PGK1: variants seen among roughly 807,000 people sequenced by gnomAD.
PGK1 encodes PRP 2.
Under a neutral mutation model 26.9 loss-of-function variants are expected in PGK1, and 3 were observed. That is an observed-to-expected ratio of 0.11 (90% CI 0.05 to 0.29). The LOEUF (loss-of-function observed/expected upper bound fraction) is 0.29. PGK1 is among the 10% of genes least tolerant of loss of function. The probability of loss-of-function intolerance (pLI) is 1.00; values close to 1 mark genes in which losing one functional copy is unlikely to be tolerated. For missense variants in PGK1, 270 were observed against 314.7 expected (o/e 0.86, Z 1.07); for synonymous variants, 125 against 115.3 (o/e 1.08, Z -0.54).
In PGK1 at chrX:78,106,544, T is replaced by A. The variant is rs2065155064; in HGVS notation, c.65+2139T>A. 3 of 754,238 alleles carry A rather than the reference T, an allele frequency of 4.0e-6. No homozygotes were observed. In the African/African-American group the frequency reaches 6.8e-5, roughly 17 times the overall value. 62.2% of individuals were successfully genotyped at this position (754,238 alleles called of 1,213,427 possible). A position where few individuals can be genotyped will look rare whatever the true frequency, so the allele number is the denominator to read the frequency against. On this transcript the variant is annotated intron_variant, in intron 1 of 10. Coordinates refer to ENST00000373316, the MANE Select transcript of PGK1 (RefSeq NM_000291.4). ...CAACGTGGTGGTTGCTGGCGGTGTT[T>A]CCGGAATGGGGCTTCCTGAGTAGTG... is the stretch of plus-strand genomic sequence containing the variant.
rs1365495650 is a variant in PGK1 at position 78,126,690 on chromosome X, G to C, written c.*860G>C. On this transcript the variant is annotated 3_prime_UTR_variant, in exon 11 of 11. Coordinates refer to ENST00000373316, the MANE Select transcript of PGK1 (RefSeq NM_000291.4). ...AAGAAATCTATTTCATACCATGGAG[G>C]AAGGCTCTGTTCCACATATATTTCC... 5 of 109,754 alleles carry C rather than the reference G, an allele frequency of 4.6e-5. No individual in the cohort carries two copies. The highest frequency in any genetic ancestry group is 7.6e-5 in the Non-Finnish European group (4 of 52,609). The allele number at this position is 109,754 out of a possible 1,213,427, so 9.0% of individuals were successfully genotyped here. A position where few individuals can be genotyped will look rare whatever the true frequency, so the allele number is the denominator to read the frequency against.
At chrX:78,122,345 G>A (rs2078359149) in intron 6 of PGK1, among the ~76,000 whole-genome samples, 1 of 110,275 alleles carries the variant, frequency 9.1e-6, no homozygotes, top group African/African-American at 3.3e-5. Flanking sequence ...AATTCTGAGT[G>A]GCTCTGGGAT....
chrX:78,121,308 G>A (rs2078353810), intron 6 of PGK1, among the ~76,000 whole-genome samples: 1 of 111,833 alleles, frequency 8.9e-6, no homozygotes, highest in Admixed American at 9.5e-5. Flanking sequence ...CTTTCATTCT[G>A]TTGATTTGTT....
chrX:78,115,480 AC>A (rs782238962), intron 4 of PGK1, among the ~76,000 whole-genome samples: 364 of 110,795 alleles, frequency 3.3e-3, no homozygotes, highest in Middle Eastern at 9.3e-3. Flanking sequence ...ACATGGTGAA[AC>A]CCTGTTTCTA....
At position 78,117,422 on chromosome X, in the gene PGK1, A is replaced by G; in HGVS notation, c.521+7A>G. 2 of 1,025,518 alleles carry G rather than the reference A, an allele frequency of 2.0e-6. No homozygotes were observed. The highest frequency in any genetic ancestry group is 2.8e-6 in the Non-Finnish European group (2 of 725,315). The allele number at this position is 1,025,518 out of a possible 1,213,427, so 84.5% of individuals were successfully genotyped here. The stretch of plus-strand genomic sequence containing the variant: ...CTGCTCACAGAGCCCACAGGTACCA[A>G]GAACCTTGTAGACTACCACACTGAG... On this transcript the variant is annotated splice_region_variant and intron_variant, in intron 5 of 10. Transcript: ENST00000373316.
At chrX:78,117,885 A>T (rs1012027127) in intron 5 of PGK1, among the ~76,000 whole-genome samples, 166 bp from the exon 6 acceptor site, 4 of 112,791 alleles carry the variant, frequency 3.5e-5, no homozygotes, top group African/African-American at 1.3e-4. Flanking sequence ...CTATTAGTTA[A>T]AAATCTTATC....
intron 1 of PGK1, among the ~76,000 whole-genome samples, chrX:78,105,195 G>T (rs189581072): frequency 8.9e-6 from 1 of 112,340 alleles, no homozygotes; most frequent in East Asian, 2.8e-4. Flanking sequence ...CTTACTCTGC[G>T]CATGTGGATC....
intron 1 of PGK1, 96 bp downstream of exon 1, chrX:78,104,501 A>C: frequency 1.4e-6 from 1 of 715,142 alleles, no homozygotes; most frequent in Non-Finnish European, 2.2e-6. Context: ...AAGTTCTTTT[A>C]GCTTTTGGCT....
In PGK1 at chrX:78,128,838, C is replaced by T. The variant is rs1201485341; in HGVS notation, c.*3008C>T. On this transcript the variant is annotated 3_prime_UTR_variant, in exon 11 of 11. Coordinates refer to ENST00000373316, the MANE Select transcript of PGK1 (RefSeq NM_000291.4). ...TGAAGACACCTTCCTCAGTCCCCTA[C>T]CTACCAGTTTCCCTCCCCAGAAGCA... 9.0e-6 allele frequency: 1 copy of T among 111,624 alleles called. No individual in the cohort carries two copies. The highest frequency in any genetic ancestry group is 1.9e-5 in the Non-Finnish European group (1 of 53,226). 9.2% of individuals were successfully genotyped at this position (111,624 alleles called of 1,213,427 possible).
chrX:78,111,833 A>G (rs187505480), intron 2 of PGK1, among the ~76,000 whole-genome samples: 171 of 112,106 alleles, frequency 1.5e-3, no homozygotes, highest in African/African-American at 5.3e-3. Flanking sequence ...ACATGTTTGG[A>G]AATCTTTTCA....
At chrX:78,123,073 C>A in intron 7 of PGK1, 122 bp from the exon 8 acceptor site, 1 of 733,534 alleles carries the variant, frequency 1.4e-6, no homozygotes, top group Non-Finnish European at 2.1e-6. Context: ...TTTATTTTGG[C>A]AAGTCTTTCG....
At position 78,125,339 on chromosome X, in the gene PGK1, C is replaced by G; in HGVS notation, c.1127C>G (p.Thr376Ser). The G allele has an allele frequency of 8.4e-7, 1 of 1,197,423 alleles. No individual in the cohort carries two copies. Among genetic ancestry groups the G allele is most frequent in the Non-Finnish European group, 1.1e-6 (1 of 882,828 alleles). The part of the protein sequence containing the change: ...GCITIIGGGD[T>S]ATCCAKWNTE... ...TTTCATTCAACAGGTGGTGGAGACA[C>G]TGCCACTTGCTGTGCCAAATGGAAC... is the stretch of plus-strand genomic sequence containing the variant. The change falls in exon 10 of 11, where the codon ACT becomes AGT. Residue 376 changes from threonine to serine, a missense_variant. This residue lies in a region of PGK1 where 103 missense variants were observed against 114.6 expected (regional missense o/e 0.90). Transcript: ENST00000373316.
chrX:78,125,640 C>T (rs1408313835), intron 10 of PGK1, 150 bp from the exon 11 acceptor site: 1 of 601,310 alleles, frequency 1.7e-6, no homozygotes, highest in Non-Finnish European at 2.9e-6. Flanking sequence ...GTCTAGTAGA[C>T]CTGGAATCCA....
At chrX:78,119,631 T>G (rs1330120970) in intron 6 of PGK1, among the ~76,000 whole-genome samples, 2 of 111,556 alleles carry the variant, frequency 1.8e-5, no homozygotes, top group South Asian at 3.7e-4. Flanking sequence ...AGGGACCTGG[T>G]GATTGGATCA....
rs782795716 is a variant in PGK1 at position 78,118,081 on chromosome X, G to C, written c.552G>C (p.Lys184Asn). ...TGGTAGGAGTCAATCTGCCACAGAA[G>C]GCTGGTGGGTTTTTGATGAAGAAGG... is the stretch of plus-strand genomic sequence containing the variant. ...SSMVGVNLPQ[K>N]AGGFLMKKEL... The change falls in exon 6 of 11, where the codon AAG (lysine) becomes AAC (asparagine). Residue 184 changes from lysine (K) to asparagine (N), a missense_variant. Lys to Asn is a moderately conservative substitution (Grantham distance 94, BLOSUM62 0). Transcript: ENST00000373316. 41 of 1,204,767 alleles carry C rather than the reference G, an allele frequency of 3.4e-5. No homozygotes were observed. The Admixed American group carries it at 9.0e-4, about 26-fold the overall frequency.
chrX:78,125,461 AG>A, intron 10 of PGK1, 36 bp downstream of exon 10: 13 of 944,633 alleles, frequency 1.4e-5, no homozygotes, highest in Non-Finnish European at 2.0e-5. Context: ...GTTTGGGATA[AG>A]GGTGGACTGT....
chrX:78,109,258 C>T (rs2078287849), intron 1 of PGK1, among the ~76,000 whole-genome samples: 1 of 111,400 alleles, frequency 9.0e-6, no homozygotes, highest in Admixed American at 9.5e-5. Flanking sequence ...TTGAAGGACC[C>T]CTAGTCTTAA....
At position 78,109,937 on chromosome X, in the gene PGK1, T is replaced by C. The variant is rs782341250; in HGVS notation, c.116+20T>C. 7 of 1,086,546 alleles carry C rather than the reference T, an allele frequency of 6.4e-6. No individual in the cohort carries two copies. The highest frequency in any genetic ancestry group is 9.0e-6 in the Non-Finnish European group (7 of 781,339). 89.5% of individuals were successfully genotyped at this position (1,086,546 alleles called of 1,213,427 possible). ...CCAGAGGTAAGGTCCCTGCTAATCC[T>C]TGGGCTGGGTTTAAGATGTGTGTAG... On this transcript the variant is annotated intron_variant, in intron 2 of 10. Coordinates refer to ENST00000373316, the MANE Select transcript of PGK1 (RefSeq NM_000291.4).
chrX:78,125,644 G>A lies in PGK1; in HGVS notation c.1214-146G>A, dbSNP rs1021992678. ...TGAGAGTTATGGTCTAGTAGACCTG[G>A]AATCCACAATGTAAAAGTTGGCCAG... On this transcript the variant is annotated intron_variant, in intron 10 of 10. Coordinates refer to ENST00000373316, the MANE Select transcript of PGK1 (RefSeq NM_000291.4). The A allele has an allele frequency of 7.6e-5, 46 of 606,857 alleles. 2 individuals are homozygous for A. In the South Asian group the frequency reaches 1.0e-3, roughly 14 times the overall value. The allele number at this position is 606,857 out of a possible 1,213,427, so 50.0% of individuals were successfully genotyped here.
Sources: allele counts gnomAD v4.1 joint callset (sites outside exome capture counted in the v4.1 genomes callset), GRCh38; gene constraint gnomAD v4.1.1; regional missense constraint gnomAD v4.1.1; transcripts MANE v1.5; gene names NCBI Gene and HGNC (gene_info 2026-07-23, HGNC 2026-07-21).